Variants in CDKAL1 observed in about 807,000 individuals in gnomAD.
CDKAL1 encodes the protein threonylcarbamoyladenosine tRNA methylthiotransferase.
A neutral mutation model predicts 68.2 loss-of-function variants in CDKAL1; 32 were observed. The ratio of observed to expected loss-of-function variants is 0.47; its 90% CI spans 0.35 to 0.63. The LOEUF (loss-of-function observed/expected upper bound fraction) is 0.63. CDKAL1 is among the 30% of genes least tolerant of loss of function. The probability of loss-of-function intolerance (pLI) is 0.00; values close to 1 mark genes in which losing one functional copy is unlikely to be tolerated. For synonymous variants in CDKAL1, 234 were observed against 244.3 expected (o/e 0.96, Z 0.39); for missense variants, 606 against 696.7 (o/e 0.87, Z 1.47).
intron 8 of CDKAL1, among the ~76,000 whole-genome samples, chr6:20,824,097 G>T (rs1777400885): frequency 6.6e-6 from 1 of 152,056 alleles, no homozygotes. Flanking sequence ...TTCAAGCATG[G>T]ATAGAACAAC....
chr6:20,949,389 T>C (rs1312215159), intron 9 of CDKAL1, among the ~76,000 whole-genome samples: 2 of 152,230 alleles, frequency 1.3e-5, no homozygotes, highest in Non-Finnish European at 2.9e-5. Context: ...ATACATAACC[T>C]CCTCCACTTT....
intron 9 of CDKAL1, among the ~76,000 whole-genome samples, chr6:20,913,614 T>G (rs1762576865): frequency 1.3e-5 from 2 of 152,302 alleles, no homozygotes; most frequent in Admixed American, 6.5e-5. Context: ...GCAGTGTGAC[T>G]CCACACTGCC....
At chr6:20,550,960 G>C (rs1242572516) in intron 4 of CDKAL1, among the ~76,000 whole-genome samples, 2 of 149,136 alleles carry the variant, frequency 1.3e-5, no homozygotes, top group Admixed American at 6.8e-5. Flanking sequence ...TCCGCCTCAC[G>C]GTTCAAGGGA....
intron 11 of CDKAL1, among the ~76,000 whole-genome samples, chr6:21,031,531 C>T (rs548247000): frequency 3.6e-4 from 55 of 151,828 alleles, no homozygotes; most frequent in African/African-American, 1.1e-3. Flanking sequence ...GCTGGGAGTT[C>T]GGGGACCATC....
intron 11 of CDKAL1, among the ~76,000 whole-genome samples, chr6:21,061,418 A>G (rs760949488): frequency 2.0e-5 from 3 of 152,172 alleles, no homozygotes; most frequent in Non-Finnish European, 2.9e-5. Context: ...CTAAAATTGA[A>G]TAACATATTA....
At chr6:20,958,402 G>C (rs887477421) in intron 10 of CDKAL1, among the ~76,000 whole-genome samples, 1 of 152,132 alleles carries the variant, frequency 6.6e-6, no homozygotes, top group Non-Finnish European at 1.5e-5. Context: ...CAGAAAAGGT[G>C]ACTGAGCCCC....
intron 4 of CDKAL1, among the ~76,000 whole-genome samples, chr6:20,549,709 C>T (rs893884535): frequency 3.3e-5 from 5 of 151,854 alleles, no homozygotes; most frequent in Admixed American, 1.3e-4. Flanking sequence ...CAGGTTCAAG[C>T]GATTCTTCTG....
At chr6:20,715,458 A>G (rs1452801056) in intron 5 of CDKAL1, among the ~76,000 whole-genome samples, 1 of 152,342 alleles carries the variant, frequency 6.6e-6, no homozygotes, top group East Asian at 1.9e-4. Context: ...TTGTCTGTCC[A>G]TAGACACTTA....
chr6:20,948,346 A>G (rs1374051580), intron 9 of CDKAL1, among the ~76,000 whole-genome samples: 1 of 152,308 alleles, frequency 6.6e-6, no homozygotes, highest in East Asian at 1.9e-4. Context: ...GGACCAAAAC[A>G]TTAGTCATAA....
At chr6:20,807,021 G>C (rs1197536848) in intron 8 of CDKAL1, among the ~76,000 whole-genome samples, 1 of 152,122 alleles carries the variant, frequency 6.6e-6, no homozygotes, top group African/African-American at 2.4e-5. Context: ...ATTTGTATCT[G>C]TCATGTGCTG....
intron 13 of CDKAL1, among the ~76,000 whole-genome samples, chr6:21,154,622 G>T (rs747786435): frequency 6.6e-6 from 1 of 152,144 alleles, no homozygotes; most frequent in Non-Finnish European, 1.5e-5. Context: ...ACATGAAATG[G>T]AAATGTAAAT....
At chr6:20,566,230 G>A (rs1243190225) in intron 4 of CDKAL1, among the ~76,000 whole-genome samples, 1 of 152,144 alleles carries the variant, frequency 6.6e-6, no homozygotes. Flanking sequence ...GATCTGTCAT[G>A]CAGATTTTGC....
rs140524530 is a variant in CDKAL1 at position 21,095,085 on chromosome 6, T to C, written c.1237-13316T>C. On this transcript the variant is annotated intron_variant, in intron 12 of 15. Coordinates refer to ENST00000274695, the MANE Select transcript of CDKAL1 (RefSeq NM_017774.3). ...TAAGTGGATGGTTAGGACCTCTTGC[T>C]TCTTCAGTATGTCTCTCTGAAGAGT... Among the ~76,000 whole-genome samples the C allele has an allele frequency of 2.6e-5, 4 of 152,212 alleles. No individual in the cohort carries two copies. In the East Asian group the frequency reaches 7.7e-4, roughly 29 times the overall value.
chr6:20,920,880 A>T (rs772583297), intron 9 of CDKAL1, among the ~76,000 whole-genome samples: 19 of 152,328 alleles, frequency 1.2e-4, no homozygotes, highest in Non-Finnish European at 2.4e-4. Context: ...GCAGTCAGGA[A>T]GCAGTGTTAC....
chr6:20,584,970 TC>T (rs1765285037), intron 4 of CDKAL1, among the ~76,000 whole-genome samples: 1 of 152,042 alleles, frequency 6.6e-6, no homozygotes, highest in Non-Finnish European at 1.5e-5. Flanking sequence ...TTTTCTGCTT[TC>T]TCTGTTGGAT....
At chr6:21,215,180 A>G (rs551194636) in intron 15 of CDKAL1, among the ~76,000 whole-genome samples, 2 of 152,292 alleles carry the variant, frequency 1.3e-5, no homozygotes, top group South Asian at 2.1e-4. Flanking sequence ...GATGGCCTCA[A>G]CTGGGACTCC....
chr6:20,690,615 C>A (rs994820897), intron 5 of CDKAL1, among the ~76,000 whole-genome samples: 12 of 151,818 alleles, frequency 7.9e-5, no homozygotes, highest in African/African-American at 2.9e-4. Flanking sequence ...AATATATTTT[C>A]TTTGATTATA....
intron 5 of CDKAL1, among the ~76,000 whole-genome samples, chr6:20,685,881 G>C (rs913331523): frequency 6.6e-6 from 1 of 152,076 alleles, no homozygotes; most frequent in Non-Finnish European, 1.5e-5. Context: ...GAGCCATCAA[G>C]CCTGGCTCTT....
At chr6:20,843,084 C>T (rs781389526) in intron 8 of CDKAL1, among the ~76,000 whole-genome samples, 1 of 151,910 alleles carries the variant, frequency 6.6e-6, no homozygotes, top group African/African-American at 2.4e-5. Context: ...ATTTGGTTTC[C>T]ACAGTTGACT....
Sources: gnomAD v4.1 joint callset for allele counts (sites outside exome capture counted in the v4.1 genomes callset) on GRCh38, gnomAD v4.1.1 for gene constraint, MANE v1.5 for transcripts, NCBI Gene and HGNC (gene_info 2026-07-23, HGNC 2026-07-21) for gene names.